Variants in CNTNAP4 observed in about 807,000 individuals in gnomAD.
CNTNAP4 encodes contactin associated protein family member 4.
In CNTNAP4, 98 loss-of-function variants were observed where a neutral mutation model predicts 148.4. The observed-to-expected ratio is 0.66, with a 90% CI of 0.56 to 0.78. The LOEUF is 0.78. Ranked by LOEUF, CNTNAP4 falls within the 30% of genes least tolerant of loss-of-function variation. CNTNAP4 has a pLI of 0.00. For missense variants in CNTNAP4, 1,935 were observed against 1,565.6 expected (o/e 1.24, Z -3.98); for synonymous variants, 730 against 565.1 (o/e 1.29, Z -4.14).
chr16:76,548,116 G>C (rs1334513287), intron 21 of CNTNAP4, among the ~76,000 whole-genome samples: 1 of 152,074 alleles, frequency 6.6e-6, no homozygotes, highest in Non-Finnish European at 1.5e-5. Context: ...CAGTAGGTTT[G>C]GTTGGCAAAC....
chr16:76,327,667 G>C (rs886960702), intron 2 of CNTNAP4, among the ~76,000 whole-genome samples: 31 of 152,190 alleles, frequency 2.0e-4, no homozygotes, highest in African/African-American at 7.2e-4. Context: ...CTCTGATATT[G>C]ATGGATGGCC....
chr16:76,282,861 T>G (rs375622851), intron 1 of CNTNAP4, among the ~76,000 whole-genome samples: 3 of 152,004 alleles, frequency 2.0e-5, no homozygotes, highest in East Asian at 1.9e-4. Context: ...AAAAACCCAT[T>G]TTCATTTTTT....
chr16:76,305,656 TCTGGCAAGACCCATCA>T (rs2143975313), intron 1 of CNTNAP4, among the ~76,000 whole-genome samples: 1 of 152,294 alleles, frequency 6.6e-6, no homozygotes, highest in African/African-American at 2.4e-5. Context: ...AGCCTGGCAG[TCTGGCAAGACCCATCA>T]TTCGTTTTTG....
intron 1 of CNTNAP4, among the ~76,000 whole-genome samples, chr16:76,292,393 A>T (rs1031404317): frequency 6.6e-6 from 1 of 152,154 alleles, no homozygotes; most frequent in Non-Finnish European, 1.5e-5. Flanking sequence ...TCAGAAGTGC[A>T]TCTGTCACCC....
chr16:76,352,348 C>T (rs1029902500), intron 2 of CNTNAP4, among the ~76,000 whole-genome samples: 10 of 152,138 alleles, frequency 6.6e-5, no homozygotes, highest in Admixed American at 2.6e-4. Context: ...TTCAAAGACA[C>T]GGTCCATTGT....
At chr16:76,407,069 G>A (rs1403948910) in intron 3 of CNTNAP4, among the ~76,000 whole-genome samples, 3 of 152,188 alleles carry the variant, frequency 2.0e-5, no homozygotes, top group African/African-American at 7.2e-5. Context: ...TGACTCTCTT[G>A]TCAGAGACTA....
At chr16:76,517,652 A>G (rs541401682) in intron 15 of CNTNAP4, among the ~76,000 whole-genome samples, 18 of 152,330 alleles carry the variant, frequency 1.2e-4, no homozygotes, top group Middle Eastern at 3.4e-3. Context: ...CTGTTCCTTT[A>G]TAAACAGCTT....
At chr16:76,436,326 G>C (rs537330460) in intron 4 of CNTNAP4, among the ~76,000 whole-genome samples, 11 of 152,076 alleles carry the variant, frequency 7.2e-5, no homozygotes, top group Non-Finnish European at 1.6e-4. Context: ...AGCTTCATCA[G>C]GGTCCTCCCG....
intron 3 of CNTNAP4, among the ~76,000 whole-genome samples, chr16:76,382,156 T>C (rs2016050430): frequency 1.3e-5 from 2 of 151,718 alleles, no homozygotes; most frequent in Non-Finnish European, 2.9e-5. Context: ...GACTTTTTTT[T>C]AACATGCCTT....
At chr16:76,511,668 T>C (rs1257897741) in intron 15 of CNTNAP4, among the ~76,000 whole-genome samples, 2 of 152,204 alleles carry the variant, frequency 1.3e-5, no homozygotes, top group Non-Finnish European at 2.9e-5. Flanking sequence ...GTTTATCTTT[T>C]TCAATTTCAC....
chr16:76,419,938 C>G (rs1178554898), intron 3 of CNTNAP4, among the ~76,000 whole-genome samples: 1 of 151,990 alleles, frequency 6.6e-6, no homozygotes, highest in Non-Finnish European at 1.5e-5. Context: ...ATGACCTTAT[C>G]AAAATTTGAA....
intron 15 of CNTNAP4, among the ~76,000 whole-genome samples, chr16:76,516,910 A>C (rs1290959127): frequency 6.6e-6 from 1 of 152,150 alleles, no homozygotes; most frequent in Non-Finnish European, 1.5e-5. Flanking sequence ...CTAAAAACAC[A>C]AAAATTAGCC....
chr16:76,416,061 T>G (rs1353841605), intron 3 of CNTNAP4, among the ~76,000 whole-genome samples: 1 of 151,276 alleles, frequency 6.6e-6, no homozygotes, highest in Non-Finnish European at 1.5e-5. Flanking sequence ...CTCATTTATC[T>G]TCTGCCTTTC....
chr16:76,301,302 A>G (rs9673562), intron 1 of CNTNAP4, among the ~76,000 whole-genome samples: 3,707 of 152,262 alleles, frequency 0.024, 154 homozygotes, highest in African/African-American at 0.084. Flanking sequence ...GGTTACTTTC[A>G]ACTGATGATT....
Position 76,558,719 on chromosome 16 carries a change from T to G in CNTNAP4, c.*36T>G, listed in dbSNP as rs2085298533. 6.6e-7 allele frequency: 1 copy of G among 1,505,294 alleles called. No homozygotes were observed. The highest frequency in any genetic ancestry group is 9.1e-7 in the Non-Finnish European group (1 of 1,101,776). 93.2% of individuals were successfully genotyped at this position (1,505,294 alleles called of 1,614,324 possible). Reference sequence around the variant, plus strand: ...TGATTTAACATAAAATTATGATAGTTTGTTTTAATAGCCAGGGGTTCTCAA... The same window carrying G: ...TGATTTAACATAAAATTATGATAGTGTGTTTTAATAGCCAGGGGTTCTCAA... On this transcript the variant is annotated 3_prime_UTR_variant, in exon 24 of 24. Coordinates refer to ENST00000611870, the MANE Select transcript of CNTNAP4 (RefSeq NM_033401.5).
chr16:76,316,253 A>G (rs1219107732), intron 1 of CNTNAP4, 160 bp from the exon 2 acceptor site: 3 of 689,600 alleles, frequency 4.4e-6, no homozygotes, highest in Non-Finnish European at 8.0e-6. Context: ...CATTGAACTT[A>G]CTAGACTTCT....
intron 21 of CNTNAP4, among the ~76,000 whole-genome samples, chr16:76,542,135 A>G (rs1485044749): frequency 6.6e-6 from 1 of 152,146 alleles, no homozygotes; most frequent in Non-Finnish European, 1.5e-5. Context: ...TTTAGACAAA[A>G]CTTCAGATGC....
chr16:76,400,284 C>G (rs1420007970), intron 3 of CNTNAP4, among the ~76,000 whole-genome samples: 3 of 152,142 alleles, frequency 2.0e-5, no homozygotes, highest in African/African-American at 7.2e-5. Flanking sequence ...GAAACATATC[C>G]ATCACCTCAC....
intron 2 of CNTNAP4, among the ~76,000 whole-genome samples, chr16:76,336,941 C>T (rs9939553): frequency 0.19 from 29,046 of 151,982 alleles, 3,394 homozygotes; most frequent in East Asian, 0.32. Flanking sequence ...TTAATTAATA[C>T]CAAGAATAAG....
Sources: gnomAD v4.1 joint callset for allele counts (sites outside exome capture counted in the v4.1 genomes callset) on GRCh38, gnomAD v4.1.1 for gene constraint, MANE v1.5 for transcripts, NCBI Gene and HGNC (gene_info 2026-07-23, HGNC 2026-07-21) for gene names.